NECAB1: variants seen among roughly 807,000 people sequenced by gnomAD.
NECAB1 encodes N-terminal EF-hand calcium-binding protein 1.
A neutral mutation model predicts 57.5 loss-of-function variants in NECAB1; 29 were observed. That is an observed-to-expected ratio of 0.50 (90% confidence interval 0.38 to 0.69). The LOEUF is 0.69. Among genes scored for constraint, NECAB1 ranks in the 30% least tolerant of loss-of-function variants. The probability of loss-of-function intolerance (pLI) is 0.00; values close to 1 mark genes in which losing one functional copy is unlikely to be tolerated. For synonymous variants in NECAB1, 142 were observed against 147.7 expected, an observed-to-expected ratio of 0.96 and a Z score of 0.28; for missense variants, 372 against 413.8, an observed-to-expected ratio of 0.90 and a Z score of 0.88.
intron 3 of NECAB1, among the ~76,000 whole-genome samples, chr8:90,862,362 A>G (rs1808418327): frequency 6.6e-6 from 1 of 152,110 alleles, no homozygotes; most frequent in African/African-American, 2.4e-5. Flanking sequence ...GTTTCATTGG[A>G]GATACCTTTT....
intron 8 of NECAB1, among the ~76,000 whole-genome samples, chr8:90,929,898 G>C (rs1009067018): frequency 2.0e-5 from 3 of 152,124 alleles, no homozygotes; most frequent in Non-Finnish European, 4.4e-5. Flanking sequence ...CTTTCATGTA[G>C]GGAAGTAGTA....
At chr8:90,858,452 T>G (rs570542783) in intron 3 of NECAB1, among the ~76,000 whole-genome samples, 1 of 152,306 alleles carries the variant, frequency 6.6e-6, no homozygotes, top group African/African-American at 2.4e-5. Context: ...ACTTATAAAA[T>G]TCTCTATATA....
At chr8:90,832,934 C>T (rs976922679) in intron 3 of NECAB1, among the ~76,000 whole-genome samples, 5 of 152,046 alleles carry the variant, frequency 3.3e-5, no homozygotes, top group South Asian at 2.1e-4. Flanking sequence ...TTTTAAAAAT[C>T]GCTTTCAGTA....
At chr8:90,792,838 G>C (rs1202097738) in intron 1 of NECAB1, among the ~76,000 whole-genome samples, 1 of 151,898 alleles carries the variant, frequency 6.6e-6, no homozygotes, top group Non-Finnish European at 1.5e-5. Flanking sequence ...TTTTCCGTCT[G>C]TTGCCTATCT....
At chr8:90,896,563 C>T (rs970298884) in intron 5 of NECAB1, among the ~76,000 whole-genome samples, 1 of 152,028 alleles carries the variant, frequency 6.6e-6, no homozygotes, top group African/African-American at 2.4e-5. Flanking sequence ...CGAGATCGTG[C>T]CACTGCACTC....
At chr8:90,932,464 T>C (rs901854133) in intron 8 of NECAB1, among the ~76,000 whole-genome samples, 2 of 152,082 alleles carry the variant, frequency 1.3e-5, no homozygotes, top group African/African-American at 4.8e-5. Context: ...TGGAAAGTGC[T>C]ATAAAGAAAA....
At chr8:90,868,237 C>A (rs1808556547) in intron 3 of NECAB1, among the ~76,000 whole-genome samples, 1 of 152,176 alleles carries the variant, frequency 6.6e-6, no homozygotes, top group Admixed American at 6.5e-5. Flanking sequence ...ATTATGCAGT[C>A]TCAGGTAGTT....
chr8:90,810,680 A>G (rs1337310752), intron 2 of NECAB1, among the ~76,000 whole-genome samples: 1 of 152,212 alleles, frequency 6.6e-6, no homozygotes, highest in Non-Finnish European at 1.5e-5. Context: ...TCACTTGCGA[A>G]CTAAGGAAGG....
At position 90,905,253 on chromosome 8, in the gene NECAB1, A is replaced by G. The variant is rs180671924; in HGVS notation, c.358-12239A>G. 8.7e-3 allele frequency among the ~76,000 whole-genome samples: 1,322 copies of G among 152,336 alleles called. 13 individuals are homozygous for G. Among genetic ancestry groups the G allele is most frequent in the Middle Eastern group, 0.044 (13 of 294 alleles). ...GATTTGGCAAAATACAGGAACAGGA[A>G]CTTCAGAAAGAAGCCAGGGAAAGTC... is the stretch of plus-strand genomic sequence containing the variant. On this transcript the variant is annotated intron_variant, in intron 5 of 12. Transcript: ENST00000417640.
intron 3 of NECAB1, among the ~76,000 whole-genome samples, chr8:90,854,425 A>G (rs566952535): frequency 2.2e-4 from 33 of 152,334 alleles, no homozygotes; most frequent in African/African-American, 7.5e-4. Flanking sequence ...TTTAAGCCAC[A>G]TTTAAATATA....
chr8:90,804,601 A>G (rs1044446067), intron 2 of NECAB1, among the ~76,000 whole-genome samples: 5 of 152,216 alleles, frequency 3.3e-5, no homozygotes, highest in African/African-American at 1.2e-4. Flanking sequence ...CAAAAATCAT[A>G]ACATCACTTT....
At chr8:90,878,959 C>G (rs1808779718) in intron 4 of NECAB1, among the ~76,000 whole-genome samples, 1 of 143,710 alleles carries the variant, frequency 7.0e-6, no homozygotes, top group Non-Finnish European at 1.5e-5. Context: ...TATCTTCTAA[C>G]TAATCACTGT....
intron 10 of NECAB1, among the ~76,000 whole-genome samples, chr8:90,944,703 G>C (rs1331923529): frequency 6.6e-6 from 1 of 152,076 alleles, no homozygotes; most frequent in Non-Finnish European, 1.5e-5. Flanking sequence ...CATGTTCATG[G>C]CCTAAAATTT....
At chr8:90,917,955 C>CACAT (rs1348872540) in intron 6 of NECAB1, among the ~76,000 whole-genome samples, 1 of 38,556 alleles carries the variant, frequency 2.6e-5, no homozygotes, top group Non-Finnish European at 3.7e-5. Context: ...TATATATACA[C>CACAT]ACACACATAT....
At chr8:90,951,546 T>C (rs1810924811) in intron 12 of NECAB1, among the ~76,000 whole-genome samples, 1 of 152,136 alleles carries the variant, frequency 6.6e-6, no homozygotes, top group South Asian at 2.1e-4. Flanking sequence ...AATTTGTTCA[T>C]CTACCCATCC....
chr8:90,850,190 A>G (rs1267712148), intron 3 of NECAB1, among the ~76,000 whole-genome samples: 5 of 152,222 alleles, frequency 3.3e-5, no homozygotes, highest in Non-Finnish European at 7.3e-5. Flanking sequence ...GAGCATAAAT[A>G]AGGTGGAGAT....
At chr8:90,955,117 TATATATATA>T (rs1811005876) in intron 12 of NECAB1, among the ~76,000 whole-genome samples, 1 of 86,860 alleles carries the variant, frequency 1.2e-5, no homozygotes, top group African/African-American at 7.1e-5. Context: ...ATAAATTATA[TATATATATA>T]TATATATATA....
intron 3 of NECAB1, among the ~76,000 whole-genome samples, chr8:90,830,848 A>AT (rs1294052214): frequency 6.6e-6 from 1 of 152,068 alleles, no homozygotes; most frequent in African/African-American, 2.4e-5. Flanking sequence ...CTTTTGACAG[A>AT]TTTTTCTCAA....
chr8:90,876,888 C>G (rs2129863875), intron 4 of NECAB1, among the ~76,000 whole-genome samples: 1 of 152,256 alleles, frequency 6.6e-6, no homozygotes, highest in African/African-American at 2.4e-5. Context: ...CTGTTTTGCT[C>G]AAGTTCATGA....
Sources: allele counts gnomAD v4.1 joint callset (sites outside exome capture counted in the v4.1 genomes callset), GRCh38; gene constraint gnomAD v4.1.1; transcripts MANE v1.5; gene names NCBI Gene and HGNC (gene_info 2026-07-23, HGNC 2026-07-21).